CSMD1: variants seen among roughly 807,000 people sequenced by gnomAD.
CSMD1 encodes CUB and Sushi multiple domains 1.
In CSMD1, 213 loss-of-function variants were observed where a neutral mutation model predicts 417.5. The ratio of observed to expected loss-of-function variants is 0.51; its 90% CI spans 0.46 to 0.57. The LOEUF (loss-of-function observed/expected upper bound fraction) is 0.57, where lower values mean the gene tolerates loss of function less well. Among genes scored for constraint, CSMD1 ranks in the 20% least tolerant of loss-of-function variants. CSMD1 has a pLI of 0.00. For synonymous variants in CSMD1, 2,862 were observed against 1,736.8 expected, an observed-to-expected ratio of 1.65 and a Z score of -16.11; for missense variants, 6,923 against 4,529.7, an observed-to-expected ratio of 1.53 and a Z score of -15.17.
intron 3 of CSMD1, among the ~76,000 whole-genome samples, chr8:4,286,254 C>T (rs183369871): frequency 2.5e-4 from 38 of 152,264 alleles, no homozygotes; most frequent in Admixed American, 2.1e-3. Flanking sequence ...CTCCGCCATG[C>T]TCTCCATGTC....
intron 2 of CSMD1, among the ~76,000 whole-genome samples, chr8:4,547,131 T>C (rs1415786496): frequency 1.3e-5 from 2 of 152,206 alleles, no homozygotes; most frequent in Non-Finnish European, 2.9e-5. Context: ...GACCTGTTTC[T>C]AAATTATTTC....
rs1417628573 is a variant in CSMD1, at chr8:3,926,071, CACAA to C, written c.818+71828_818+71831del. On this transcript the variant is annotated intron_variant, in intron 5 of 69. Transcript: ENST00000635120. Reference sequence around the variant, plus strand: ...CACCATATACACACACACACACACACACAAACACCATACACACACACACACACAC... The same window carrying C: ...CACCATATACACACACACACACACACACACCATACACACACACACACACAC... Among the ~76,000 whole-genome samples the C allele has an allele frequency of 1.8e-4, 22 of 119,984 alleles. No individual in the cohort carries two copies. The East Asian group carries it at 4.1e-3, about 23-fold the overall frequency. The allele number at this position is 119,984 out of a possible 152,430, so 78.7% of individuals were successfully genotyped here.
At chr8:3,932,874 T>C (rs1810248406) in intron 5 of CSMD1, among the ~76,000 whole-genome samples, 1 of 150,468 alleles carries the variant, frequency 6.6e-6, no homozygotes, top group Admixed American at 6.6e-5. Context: ...TAAAGTTAAA[T>C]GTTTTTGAAT....
chr8:4,045,180 C>G (rs4416840), intron 3 of CSMD1, among the ~76,000 whole-genome samples: 33,634 of 152,022 alleles, frequency 0.22, 3,887 homozygotes, highest in Middle Eastern at 0.28. Flanking sequence ...GTACCGGGTG[C>G]TGAGGTACTC....
chr8:4,752,400 G>A (rs978830521), intron 1 of CSMD1, among the ~76,000 whole-genome samples: 20 of 152,080 alleles, frequency 1.3e-4, no homozygotes, highest in African/African-American at 4.8e-4. Flanking sequence ...TTTCTGTAAG[G>A]TCATAGGTAT....
chr8:3,341,528 G>A (rs947957994), intron 23 of CSMD1, among the ~76,000 whole-genome samples: 8 of 152,164 alleles, frequency 5.3e-5, no homozygotes, highest in African/African-American at 9.7e-5. Context: ...TGAGCACAAT[G>A]TGTTTTTTGT....
At chr8:3,940,076 A>G (rs928527087) in intron 5 of CSMD1, among the ~76,000 whole-genome samples, 2 of 151,264 alleles carry the variant, frequency 1.3e-5, no homozygotes, top group Non-Finnish European at 3.0e-5. Flanking sequence ...ATAAAATATA[A>G]AAACTTATAA....
At chr8:4,126,675 G>C (rs952562375) in intron 3 of CSMD1, among the ~76,000 whole-genome samples, 1 of 152,106 alleles carries the variant, frequency 6.6e-6, no homozygotes, top group Non-Finnish European at 1.5e-5. Flanking sequence ...GATTCTGAGG[G>C]TTTATTAATC....
chr8:4,790,245 A>T (rs1004581332), intron 1 of CSMD1, among the ~76,000 whole-genome samples: 1 of 152,184 alleles, frequency 6.6e-6, no homozygotes, highest in Non-Finnish European at 1.5e-5. Flanking sequence ...CCATAAAAAG[A>T]ATAAAATAAC....
At chr8:4,618,563 A>G (rs1801606557) in intron 2 of CSMD1, among the ~76,000 whole-genome samples, 1 of 151,850 alleles carries the variant, frequency 6.6e-6, no homozygotes, top group African/African-American at 2.4e-5. Context: ...TATCGCCTAC[A>G]TAGCCTTCTC....
chr8:4,405,639 G>A (rs778721508), intron 3 of CSMD1, among the ~76,000 whole-genome samples: 3 of 152,190 alleles, frequency 2.0e-5, no homozygotes, highest in African/African-American at 4.8e-5. Flanking sequence ...GGTTTTGCTT[G>A]GCATTGCATT....
chr8:3,258,672 C>A (rs772968835), intron 26 of CSMD1, among the ~76,000 whole-genome samples: 1 of 152,112 alleles, frequency 6.6e-6, no homozygotes, highest in East Asian at 1.9e-4. Flanking sequence ...TTCACCACAG[C>A]AAAGCCATGG....
intron 3 of CSMD1, among the ~76,000 whole-genome samples, chr8:4,380,913 C>T (rs78414497): frequency 0.023 from 3,449 of 152,074 alleles, 96 homozygotes; most frequent in African/African-American, 0.071. Flanking sequence ...TTGTTTTATA[C>T]ATTTTGAGAT....
intron 7 of CSMD1, among the ~76,000 whole-genome samples, chr8:3,643,592 C>T (rs565057107): frequency 4.8e-4 from 73 of 151,118 alleles, no homozygotes; most frequent in Non-Finnish European, 8.6e-4. Context: ...TCCCAACTAC[C>T]CGGGCGGCTG....
intron 3 of CSMD1, among the ~76,000 whole-genome samples, chr8:4,350,803 T>A (rs2128900822): frequency 6.6e-6 from 1 of 152,306 alleles, no homozygotes; most frequent in African/African-American, 2.4e-5. Flanking sequence ...AGCATCTAGT[T>A]ACTTTAGCAA....
intron 1 of CSMD1, among the ~76,000 whole-genome samples, chr8:4,641,581 G>C (rs187427038): frequency 6.6e-6 from 1 of 152,148 alleles, no homozygotes. Context: ...GAAGTAAGTT[G>C]TCCAAAGTCT....
chr8:3,661,375 T>C (rs1406807252), intron 7 of CSMD1, among the ~76,000 whole-genome samples: 1 of 151,696 alleles, frequency 6.6e-6, no homozygotes, highest in East Asian at 1.9e-4. Context: ...GATTTCTGTA[T>C]GTTACTTCCC....
chr8:3,772,222 TACACACAC>T (rs1215401577), intron 5 of CSMD1, among the ~76,000 whole-genome samples: 1 of 136,814 alleles, frequency 7.3e-6, no homozygotes, highest in African/African-American at 2.7e-5. Context: ...ACACATATAA[TACACACAC>T]ATATTTATAT....
intron 1 of CSMD1, among the ~76,000 whole-genome samples, chr8:4,793,453 G>T (rs557488194): frequency 5.3e-5 from 8 of 151,712 alleles, no homozygotes; most frequent in African/African-American, 1.7e-4. Context: ...TTCTCCTCCA[G>T]CTCCATCCCC....
Sources: allele counts gnomAD v4.1 joint callset (sites outside exome capture counted in the v4.1 genomes callset), GRCh38; gene constraint gnomAD v4.1.1; transcripts MANE v1.5; gene names NCBI Gene and HGNC (gene_info 2026-07-23, HGNC 2026-07-21).